DOCK1: variants seen among roughly 807,000 people sequenced by gnomAD.
The protein encoded by DOCK1 is dedicator of cytokinesis 1, also known as dedicator of cytokinesis protein 1.
A neutral mutation model predicts 262.7 loss-of-function variants in DOCK1; 138 were observed. The ratio of observed to expected loss-of-function variants is 0.53; its 90% CI spans 0.46 to 0.61. The LOEUF (loss-of-function observed/expected upper bound fraction) is 0.61, where lower values mean the gene tolerates loss of function less well. DOCK1 is among the 20% of genes least tolerant of loss of function. The probability of loss-of-function intolerance (pLI) is 0.00; values close to 1 mark genes in which losing one functional copy is unlikely to be tolerated. For missense variants in DOCK1, 1,908 were observed against 2,370.7 expected (o/e 0.80, Z 4.05); for synonymous variants, 866 against 867.4 (o/e 1.00, Z 0.03).
intron 29 of DOCK1, among the ~76,000 whole-genome samples, chr10:127,266,008 G>T (rs374685742): frequency 2.0e-4 from 31 of 152,362 alleles, no homozygotes; most frequent in Admixed American, 3.9e-4. Flanking sequence ...TTGGATCAGG[G>T]GAAAGGCACC....
chr10:127,257,703 G>A (rs2059876353), intron 29 of DOCK1: 2 of 306,856 alleles, frequency 6.5e-6, no homozygotes, highest in Non-Finnish European at 1.2e-5. Context: ...GTCATCATGG[G>A]CACAGGGGTT....
Position 127,307,893 on chromosome 10 carries a change from G to A in DOCK1, c.3045-31113G>A, listed in dbSNP as rs373260233. 8.5e-5 allele frequency among the ~76,000 whole-genome samples: 13 copies of A among 152,230 alleles called. No individual in the cohort carries two copies. The East Asian group carries it at 1.3e-3, about 16-fold the overall frequency. Reference sequence around the variant, plus strand: ...TGAGTTTTCCTGGAATTGTCACAATGCAGAGAATGAGTTCTGTGGGGAGGG... The same window carrying A: ...TGAGTTTTCCTGGAATTGTCACAATACAGAGAATGAGTTCTGTGGGGAGGG... On this transcript the variant is annotated intron_variant, in intron 29 of 51. Coordinates refer to ENST00000623213, the MANE Select transcript of DOCK1 (RefSeq NM_001290223.2).
chr10:126,910,490 C>T (rs1311201293), intron 1 of DOCK1, among the ~76,000 whole-genome samples: 1 of 152,130 alleles, frequency 6.6e-6, no homozygotes, highest in African/African-American at 2.4e-5. Context: ...CTTTTCCCTT[C>T]TTTCTTTTCT....
At chr10:126,992,267 A>C (rs2039844281) in intron 6 of DOCK1, among the ~76,000 whole-genome samples, 1 of 152,178 alleles carries the variant, frequency 6.6e-6, no homozygotes, top group African/African-American at 2.4e-5. Flanking sequence ...TTATGTTCAG[A>C]GACCACCTGC....
intron 32 of DOCK1, 131 bp from the exon 33 acceptor site, chr10:127,361,933 A>T (rs1230229911): frequency 9.5e-7 from 1 of 1,056,664 alleles, no homozygotes; most frequent in Non-Finnish European, 1.3e-6. Context: ...GCAGACGCGA[A>T]ATGGATGCAC....
chr10:127,409,443 C>G, intron 42 of DOCK1, 52 bp downstream of exon 42: 1 of 1,562,810 alleles, frequency 6.4e-7, no homozygotes, highest in South Asian at 1.1e-5. Context: ...AGGCTGTGTA[C>G]AGATCTCTTG....
intron 23 of DOCK1, among the ~76,000 whole-genome samples, chr10:127,085,655 G>T (rs985274681): frequency 6.6e-6 from 1 of 152,070 alleles, no homozygotes; most frequent in African/African-American, 2.4e-5. Flanking sequence ...CTACTGGGGC[G>T]GCTGAGGCAG....
intron 27 of DOCK1, among the ~76,000 whole-genome samples, chr10:127,160,295 G>T (rs2053484832): frequency 6.6e-6 from 1 of 152,198 alleles, no homozygotes; most frequent in Non-Finnish European, 1.5e-5. Context: ...TGATGTAAAT[G>T]TGCTGTTTTT....
At chr10:127,106,431 A>T in intron 24 of DOCK1, 130 bp downstream of exon 24, 1 of 917,238 alleles carries the variant, frequency 1.1e-6, no homozygotes, top group Non-Finnish European at 1.6e-6. Context: ...TCATTCTGGA[A>T]CATGTGTTGC....
At chr10:127,249,258 A>G (rs1239985334) in intron 28 of DOCK1, among the ~76,000 whole-genome samples, 1 of 152,062 alleles carries the variant, frequency 6.6e-6, no homozygotes, top group Non-Finnish European at 1.5e-5. Flanking sequence ...TGTTGCCACT[A>G]TATATATAAT....
chr10:127,267,648 G>A (rs1300042851), intron 29 of DOCK1, among the ~76,000 whole-genome samples: 2 of 152,234 alleles, frequency 1.3e-5, no homozygotes, highest in African/African-American at 2.4e-5. Context: ...TGCCTGGCTG[G>A]TACTGATGCC....
At chr10:126,966,904 G>A (rs1247171173) in intron 1 of DOCK1, among the ~76,000 whole-genome samples, 3 of 152,142 alleles carry the variant, frequency 2.0e-5, no homozygotes, top group African/African-American at 7.2e-5. Context: ...TAGCTTCTAC[G>A]CTGGAGTCTG....
intron 47 of DOCK1, among the ~76,000 whole-genome samples, chr10:127,432,062 C>G (rs2134636568): frequency 6.6e-6 from 1 of 152,218 alleles, no homozygotes; most frequent in East Asian, 1.9e-4. Context: ...GAATCTAATG[C>G]CTGATGATCT....
At chr10:126,934,445 A>G (rs1189635832) in intron 1 of DOCK1, among the ~76,000 whole-genome samples, 8 of 152,244 alleles carry the variant, frequency 5.3e-5, no homozygotes, top group African/African-American at 1.9e-4. Context: ...GCCGTGCACC[A>G]TTCGACTCAC....
Position 127,262,076 on chromosome 10 carries a change from G to A in DOCK1, c.3044+4647G>A, listed in dbSNP as rs998082483. Among the ~76,000 whole-genome samples, 3 of 143,150 alleles carry A rather than the reference G, an allele frequency of 2.1e-5. 1 individual carries two copies. Among genetic ancestry groups the A allele is most frequent in the African/African-American group, 8.0e-5 (3 of 37,632 alleles). The allele number at this position is 143,150 out of a possible 152,430, so 93.9% of individuals were successfully genotyped here. On this transcript the variant is annotated intron_variant, in intron 29 of 51. Coordinates refer to ENST00000623213, the MANE Select transcript of DOCK1 (RefSeq NM_001290223.2). Reference sequence around the variant, plus strand: ...TGTGCTCTTCTGTGTGTGTGCATGTGGGTGTGTGTGTGTACCCGTGCTCCT... The same window carrying A: ...TGTGCTCTTCTGTGTGTGTGCATGTAGGTGTGTGTGTGTACCCGTGCTCCT...
chr10:127,092,159 T>C (rs1225711882), intron 23 of DOCK1, among the ~76,000 whole-genome samples: 1 of 152,212 alleles, frequency 6.6e-6, no homozygotes, highest in Non-Finnish European at 1.5e-5. Context: ...CTGCGGAAAG[T>C]TCTGCTGGTC....
chr10:127,348,018 G>A (rs1216930596), intron 31 of DOCK1, among the ~76,000 whole-genome samples: 4 of 150,714 alleles, frequency 2.7e-5, no homozygotes, highest in Non-Finnish European at 5.9e-5. Flanking sequence ...ACTGAGGTTG[G>A]GGAGATAATT....
At chr10:127,368,912 A>G (rs959215039) in intron 33 of DOCK1, among the ~76,000 whole-genome samples, 4 of 152,258 alleles carry the variant, frequency 2.6e-5, no homozygotes, top group Non-Finnish European at 4.4e-5. Flanking sequence ...CATATGGGCC[A>G]TAGACCATTA....
chr10:127,210,815 T>C (rs961322028), intron 27 of DOCK1, among the ~76,000 whole-genome samples: 36 of 152,228 alleles, frequency 2.4e-4, no homozygotes, highest in African/African-American at 8.7e-4. Context: ...TGCATTGTTC[T>C]AGGTGTCACT....
Sources: gnomAD v4.1 joint callset for allele counts (sites outside exome capture counted in the v4.1 genomes callset) on GRCh38, gnomAD v4.1.1 for gene constraint, MANE v1.5 for transcripts, NCBI Gene and HGNC (gene_info 2026-07-23, HGNC 2026-07-21) for gene names.